INPP5A: variants seen among roughly 807,000 people sequenced by gnomAD.
The protein encoded by INPP5A is inositol polyphosphate-5-phosphatase A, also known as 43 kDa inositol polyphosphate 5-phophatase.
A neutral mutation model predicts 65.2 loss-of-function variants in INPP5A; 14 were observed. That is an observed-to-expected ratio of 0.21 (90% CI 0.14 to 0.34). The LOEUF is 0.34. INPP5A is among the 10% of genes least tolerant of loss of function. INPP5A has a pLI of 1.00. For synonymous variants in INPP5A, 207 were observed against 208.3 expected, an observed-to-expected ratio of 0.99 and a Z score of 0.05; for missense variants, 431 against 545.6, an observed-to-expected ratio of 0.79 and a Z score of 2.09.
chr10:132,735,573 C>T (rs2134604706), intron 9 of INPP5A, among the ~76,000 whole-genome samples: 1 of 152,370 alleles, frequency 6.6e-6, no homozygotes, highest in East Asian at 1.9e-4. Context: ...CTCCCACCCA[C>T]AGCAGCCCAT....
At chr10:132,654,782 T>C (rs550517642) in intron 4 of INPP5A, among the ~76,000 whole-genome samples, 1 of 152,312 alleles carries the variant, frequency 6.6e-6, no homozygotes, top group South Asian at 2.1e-4. Flanking sequence ...GATCAGAAAA[T>C]AGTGGCCTGT....
chr10:132,763,740 CAT>C (rs1846778167), intron 11 of INPP5A, among the ~76,000 whole-genome samples: 1 of 152,008 alleles, frequency 6.6e-6, no homozygotes, highest in African/African-American at 2.4e-5. Context: ...CATGCACACA[CAT>C]GCCTGCATAC....
rs529999407 is a variant in INPP5A at position 132,549,225 on chromosome 10, G to A, written c.75+11054G>A. On this transcript the variant is annotated intron_variant, in intron 1 of 15. Transcript: ENST00000368594. The surrounding 1 kb of genome is among the most constrained non-coding windows in gnomAD (Gnocchi z 4.9). ...TTGTGAATATGCACGTGCCTGTGTG[G>A]ACGAGGGTGTCACTGCTCTAGGGCT... 1.3e-5 allele frequency among the ~76,000 whole-genome samples: 2 copies of A among 152,304 alleles called. No homozygotes were observed. Among genetic ancestry groups the A allele is most frequent in the South Asian group, 4.1e-4 (2 of 4,828 alleles).
chr10:132,597,541 C>T (rs2071718831), intron 1 of INPP5A, among the ~76,000 whole-genome samples: 1 of 152,232 alleles, frequency 6.6e-6, no homozygotes, highest in Non-Finnish European at 1.5e-5. Flanking sequence ...ATTTCTTACA[C>T]ATCTTCAGGA....
chr10:132,771,411 G>A (rs748986611), intron 12 of INPP5A, among the ~76,000 whole-genome samples: 14 of 152,328 alleles, frequency 9.2e-5, no homozygotes, highest in South Asian at 2.1e-4. Context: ...CGCCGGCGCC[G>A]GCAGTTTTAC....
Position 132,707,338 on chromosome 10 carries a change from G to A in INPP5A, c.475-975G>A, listed in dbSNP as rs151218101. On this transcript the variant is annotated intron_variant, in intron 6 of 15. Transcript: ENST00000368594. The surrounding 1 kb of genome is among the most constrained non-coding windows in gnomAD (Gnocchi z 5.5). Reference sequence around the variant, plus strand: ...CTGCCCTGTTGGCTGCCGTTCCCCCGCCACTGCCTGAAGCGCTTTGCTTTG... The same window carrying A: ...CTGCCCTGTTGGCTGCCGTTCCCCCACCACTGCCTGAAGCGCTTTGCTTTG... Among the ~76,000 whole-genome samples, 129 of 144,316 alleles carry A rather than the reference G, an allele frequency of 8.9e-4. 1 individual carries two copies. The highest frequency in any genetic ancestry group is 3.0e-3 in the African/African-American group (121 of 40,646). The allele number at this position is 144,316 out of a possible 152,430, so 94.7% of individuals were successfully genotyped here.
At chr10:132,671,303 G>A (rs957547806) in intron 4 of INPP5A, among the ~76,000 whole-genome samples, 1 of 142,538 alleles carries the variant, frequency 7.0e-6, no homozygotes, top group African/African-American at 2.5e-5. Context: ...TTCAAACGTG[G>A]GCTGCGGCGA....
At chr10:132,743,963 G>A (rs943591641) in intron 9 of INPP5A, among the ~76,000 whole-genome samples, 1 of 152,230 alleles carries the variant, frequency 6.6e-6, no homozygotes, top group Admixed American at 6.5e-5. Context: ...TGGAACAGAG[G>A]AAGTTTTTGT....
intron 9 of INPP5A, among the ~76,000 whole-genome samples, chr10:132,736,916 C>T (rs573528690): frequency 1.3e-5 from 2 of 152,240 alleles, no homozygotes; most frequent in Non-Finnish European, 2.9e-5. Flanking sequence ...CCTTGTTGAG[C>T]CCCTCTGCCC....
At chr10:132,628,473 G>GGGGA (rs2072222237) in intron 2 of INPP5A, among the ~76,000 whole-genome samples, 1 of 150,896 alleles carries the variant, frequency 6.6e-6, no homozygotes, top group African/African-American at 2.4e-5. Context: ...CGGGGGGGGG[G>GGGGA]GGGGGCGTGG....
intron 4 of INPP5A, among the ~76,000 whole-genome samples, chr10:132,669,517 G>A (rs1413995854): frequency 6.6e-6 from 1 of 152,198 alleles, no homozygotes; most frequent in African/African-American, 2.4e-5. Flanking sequence ...AGAAACAGCT[G>A]CTCGAGGAGG....
At chr10:132,712,527 G>A in intron 8 of INPP5A, among the ~76,000 whole-genome samples, 1 of 149,974 alleles carries the variant, frequency 6.7e-6, no homozygotes, top group South Asian at 2.1e-4. Context: ...TGTGGGGGTT[G>A]CATTGTGTGT....
chr10:132,714,888 C>CT (rs1251118220), intron 8 of INPP5A, among the ~76,000 whole-genome samples: 21 of 152,242 alleles, frequency 1.4e-4, no homozygotes, highest in African/African-American at 5.1e-4. Flanking sequence ...GAAATTGTTG[C>CT]TGTTAACCTC....
chr10:132,678,163 G>A lies in INPP5A; in HGVS notation c.307-12229G>A, dbSNP rs112371082. On this transcript the variant is annotated intron_variant, in intron 4 of 15. Coordinates refer to ENST00000368594, the MANE Select transcript of INPP5A (RefSeq NM_005539.5). The surrounding 1 kb of genome is among the most constrained non-coding windows in gnomAD (Gnocchi z 4.1). ...TCAGCTGTCATTTTGTGGTGGTCAC[G>A]GAGCTCCTCTGAGAGCGGACGGTCA... 2.4e-3 allele frequency among the ~76,000 whole-genome samples: 373 copies of A among 152,250 alleles called. 5 individuals carry two copies. The highest frequency in any genetic ancestry group is 7.4e-3 in the African/African-American group (307 of 41,560).
intron 11 of INPP5A, among the ~76,000 whole-genome samples, chr10:132,751,636 C>T (rs937518234): frequency 6.3e-5 from 9 of 141,780 alleles, no homozygotes; most frequent in Non-Finnish European, 9.2e-5. Flanking sequence ...GAGGTGTCTT[C>T]GTGGAGGCAG....
intron 1 of INPP5A, among the ~76,000 whole-genome samples, chr10:132,559,156 G>A (rs567949057): frequency 6.6e-6 from 1 of 152,332 alleles, no homozygotes; most frequent in Non-Finnish European, 1.5e-5. Flanking sequence ...TGGTGTGCTC[G>A]CCTCTGGAGG....
In INPP5A at chr10:132,568,911, ATTTTTTTTTTT is replaced by A. The variant is rs1171904388; in HGVS notation, c.75+30752_75+30762del. On this transcript the variant is annotated intron_variant, in intron 1 of 15. Transcript: ENST00000368594. ...TAGATCACAATATGTTCTTACCGGC[ATTTTTTTTTTT>A]TTTTTTTTTTTGAGACGGAATCTCG... 6.2e-5 allele frequency among the ~76,000 whole-genome samples: 8 copies of A among 129,054 alleles called. No homozygotes were observed. In the South Asian group the frequency reaches 1.3e-3, roughly 20 times the overall value. 84.7% of individuals were successfully genotyped at this position (129,054 alleles called of 152,430 possible).
intron 1 of INPP5A, among the ~76,000 whole-genome samples, chr10:132,573,439 TAC>T (rs2133287800): frequency 8.9e-6 from 1 of 112,756 alleles, no homozygotes; most frequent in African/African-American, 3.9e-5. Flanking sequence ...TGTTGGGGTG[TAC>T]GTGCCGTGTG....
chr10:132,585,724 T>G (rs2071537265), intron 1 of INPP5A, among the ~76,000 whole-genome samples: 2 of 152,200 alleles, frequency 1.3e-5, no homozygotes, highest in Admixed American at 1.3e-4. Flanking sequence ...TCTTCATCCT[T>G]TTCTTGCACT....
Sources: gnomAD v4.1 joint callset for allele counts (sites outside exome capture counted in the v4.1 genomes callset) on GRCh38, gnomAD v4.1.1 for gene constraint, Gnocchi (gnomAD v3.1) non-coding constraint, MANE v1.5 for transcripts, NCBI Gene and HGNC (gene_info 2026-07-23, HGNC 2026-07-21) for gene names.